Variants in CDH4 observed in about 807,000 individuals in gnomAD.
The protein encoded by CDH4 is cadherin-4.
Under a neutral mutation model 86.0 loss-of-function variants are expected in CDH4, and 33 were observed. The observed-to-expected ratio is 0.38, with a 90% CI of 0.29 to 0.51. The LOEUF is 0.51. CDH4 is among the 20% of genes least tolerant of loss of function. CDH4 has a pLI of 0.86. For missense variants in CDH4, 1,114 were observed against 1,307.4 expected (o/e 0.85, Z 2.28); for synonymous variants, 555 against 549.4 (o/e 1.01, Z -0.14).
chr20:61,592,385 G>A (rs1007489336), intron 2 of CDH4, among the ~76,000 whole-genome samples: 3 of 152,048 alleles, frequency 2.0e-5, no homozygotes, highest in East Asian at 1.9e-4. Context: ...CCACAGGGGC[G>A]CCCGTCATCC....
chr20:61,584,707 G>A (rs913902900), intron 2 of CDH4, among the ~76,000 whole-genome samples: 8 of 152,212 alleles, frequency 5.3e-5, no homozygotes, highest in Admixed American at 3.9e-4. Flanking sequence ...CTTAGTGGGG[G>A]TGGGGCATGT....
intron 2 of CDH4, among the ~76,000 whole-genome samples, chr20:61,613,052 A>T (rs2086697259): frequency 6.6e-6 from 1 of 152,064 alleles, no homozygotes; most frequent in Non-Finnish European, 1.5e-5. Context: ...CCAGGGAGAC[A>T]AGCTTGCAGT....
chr20:61,463,093 C>T (rs1831201), intron 2 of CDH4, among the ~76,000 whole-genome samples: 151,946 of 152,268 alleles, frequency 1, 75,812 homozygotes, highest in Middle Eastern at 1. Flanking sequence ...AAATGGGAGT[C>T]TCCCTGCACA....
chr20:61,689,123 A>G (rs1248088055), intron 2 of CDH4, among the ~76,000 whole-genome samples: 1 of 152,248 alleles, frequency 6.6e-6, no homozygotes, highest in Non-Finnish European at 1.5e-5. Flanking sequence ...GCCACTGGAC[A>G]CTGGTGACAA....
At chr20:61,285,982 G>T (rs556185174) in intron 2 of CDH4, among the ~76,000 whole-genome samples, 3 of 152,286 alleles carry the variant, frequency 2.0e-5, no homozygotes, top group African/African-American at 4.8e-5. Context: ...GAGTGCCCTG[G>T]TGCTGGCTTC....
At chr20:61,911,938 T>G (rs544341397) in intron 9 of CDH4, among the ~76,000 whole-genome samples, 1 of 152,268 alleles carries the variant, frequency 6.6e-6, no homozygotes, top group African/African-American at 2.4e-5. Context: ...ACTCGAGAGT[T>G]GTATTCTCTC....
Position 61,431,064 on chromosome 20 carries a change from C to G in CDH4, c.169+176127C>G, listed in dbSNP as rs565939815. Among the ~76,000 whole-genome samples the G allele has an allele frequency of 9.8e-5, 15 of 152,342 alleles. 1 individual carries two copies. In the South Asian group the frequency reaches 2.7e-3, roughly 27 times the overall value. On this transcript the variant is annotated intron_variant, in intron 2 of 15. Transcript: ENST00000614565. ...TGTTGCTGTGTGTTTCTTTGCTTGG[C>G]TGTAGCATGCTGGCTCTGTGTATGC...
intron 2 of CDH4, among the ~76,000 whole-genome samples, chr20:61,415,710 T>A (rs1434603095): frequency 1.3e-5 from 2 of 150,658 alleles, no homozygotes; most frequent in Non-Finnish European, 3.0e-5. Flanking sequence ...CAGAATCTCT[T>A]TTTTTTTTAG....
At chr20:61,357,906 C>T (rs1280758857) in intron 2 of CDH4, among the ~76,000 whole-genome samples, 3 of 152,084 alleles carry the variant, frequency 2.0e-5, no homozygotes, top group East Asian at 1.9e-4. Flanking sequence ...TCCCCAGTCA[C>T]CCCTACAACA....
Position 61,664,102 on chromosome 20 carries a change from G to A in CDH4, c.170-79461G>A, listed in dbSNP as rs1264951952. Among the ~76,000 whole-genome samples the A allele has an allele frequency of 6.6e-5, 10 of 152,142 alleles. No homozygotes were observed. In the East Asian group the frequency reaches 1.7e-3, roughly 26 times the overall value. On this transcript the variant is annotated intron_variant, in intron 2 of 15. Transcript: ENST00000614565. The stretch of plus-strand genomic sequence containing the variant: ...GCCAGAGAGGACGCCCTGCATGTGT[G>A]ATTTCCACTGACCCTGCACCGTGGG...
chr20:61,642,801 C>A (rs1207985785), intron 2 of CDH4, among the ~76,000 whole-genome samples: 1 of 152,144 alleles, frequency 6.6e-6, no homozygotes, highest in Non-Finnish European at 1.5e-5. Flanking sequence ...AGGCTGCCTG[C>A]ATTCCTCAGC....
chr20:61,878,114 G>T (rs1006105288), intron 7 of CDH4, among the ~76,000 whole-genome samples: 1 of 152,160 alleles, frequency 6.6e-6, no homozygotes, highest in African/African-American at 2.4e-5. Context: ...GGCAGCTGGG[G>T]CAAAGCTAAG....
At chr20:61,594,047 C>T (rs1158756538) in intron 2 of CDH4, among the ~76,000 whole-genome samples, 1 of 28,828 alleles carries the variant, frequency 3.5e-5, no homozygotes, top group Non-Finnish European at 6.5e-5. Context: ...GCTGAGCTGG[C>T]GGGGAAGAGG....
chr20:61,545,291 C>T (rs771851995), intron 2 of CDH4, among the ~76,000 whole-genome samples: 9 of 152,256 alleles, frequency 5.9e-5, no homozygotes, highest in Non-Finnish European at 1.0e-4. Context: ...GTCCAACATG[C>T]GTACATTTGG....
intron 2 of CDH4, among the ~76,000 whole-genome samples, chr20:61,579,052 G>A (rs1027973213): frequency 2.0e-4 from 31 of 152,068 alleles, no homozygotes; most frequent in Non-Finnish European, 4.4e-4. Flanking sequence ...TCAGTCCTGC[G>A]GGGCCATGCA....
intron 2 of CDH4, among the ~76,000 whole-genome samples, chr20:61,298,706 C>CAAA (rs11481019): frequency 1.5e-5 from 2 of 131,238 alleles, no homozygotes; most frequent in African/African-American, 3.0e-5. Flanking sequence ...TTTCTCTTGC[C>CAAA]AAAAAAAAAA....
chr20:61,440,371 AG>A (rs2085307661), intron 2 of CDH4, among the ~76,000 whole-genome samples: 1 of 152,220 alleles, frequency 6.6e-6, no homozygotes, highest in African/African-American at 2.4e-5. Flanking sequence ...GCAAATGTAA[AG>A]GGAACACCCT....
At chr20:61,872,208 G>C (rs1490302349) in intron 6 of CDH4, among the ~76,000 whole-genome samples, 2 of 152,230 alleles carry the variant, frequency 1.3e-5, no homozygotes, top group South Asian at 2.1e-4. Flanking sequence ...CACAGGGACA[G>C]CATGGACCCA....
At chr20:61,929,443 T>C (rs2055081184) in intron 12 of CDH4, among the ~76,000 whole-genome samples, 166 bp from the exon 13 acceptor site, 1 of 152,248 alleles carries the variant, frequency 6.6e-6, no homozygotes, top group Non-Finnish European at 1.5e-5. Context: ...CAACCTCCAA[T>C]GTCTTTTAAC....
Sources: allele counts gnomAD v4.1 joint callset (sites outside exome capture counted in the v4.1 genomes callset), GRCh38; gene constraint gnomAD v4.1.1; transcripts MANE v1.5; gene names NCBI Gene and HGNC (gene_info 2026-07-23, HGNC 2026-07-21).